The following PHACTR1 variants were observed in gnomAD, a reference collection of about 807,000 sequenced individuals.
The protein encoded by PHACTR1 is RPEL repeat containing 1.
A neutral mutation model predicts 69.2 loss-of-function variants in PHACTR1; 16 were observed. That is an observed-to-expected ratio of 0.23 (90% CI 0.16 to 0.35). The LOEUF is 0.35. Ranked by LOEUF, PHACTR1 falls within the 10% of genes least tolerant of loss-of-function variation. The pLI, the probability that PHACTR1 is intolerant of heterozygous loss-of-function variation, is 1.00. For synonymous variants in PHACTR1, 312 were observed against 284.5 expected (o/e 1.10, Z -0.97); for missense variants, 510 against 734.7 (o/e 0.69, Z 3.54).
chr6:13,134,133 G>A (rs985890704), intron 5 of PHACTR1, among the ~76,000 whole-genome samples: 2 of 151,804 alleles, frequency 1.3e-5, no homozygotes, highest in African/African-American at 2.4e-5. Flanking sequence ...GAGCGTCTCC[G>A]CCTGGCAGCC....
Position 13,003,965 on chromosome 6 carries a change from G to GTATATATATGTA in PHACTR1, c.251-49391_251-49390insGTATATATATAT, listed in dbSNP as rs1798444774. On this transcript the variant is annotated intron_variant, in intron 4 of 14. Coordinates refer to ENST00000332995, the MANE Select transcript of PHACTR1 (RefSeq NM_030948.6). ...CAGTAGTATTCCTATATATATATAT[G>GTATATATATGTA]TATATATATATATACACATATATAT... 4.2e-5 allele frequency among the ~76,000 whole-genome samples: 4 copies of GTATATATATGTA among 96,312 alleles called. No individual in the cohort carries two copies. The South Asian group carries it at 1.3e-3, about 30-fold the overall frequency. The allele number at this position is 96,312 out of a possible 152,430, so 63.2% of individuals were successfully genotyped here. A position where few individuals can be genotyped will look rare whatever the true frequency, so the allele number is the denominator to read the frequency against.
chr6:12,772,091 G>A (rs745642133), intron 4 of PHACTR1, among the ~76,000 whole-genome samples: 7 of 152,144 alleles, frequency 4.6e-5, no homozygotes, highest in Non-Finnish European at 8.8e-5. Flanking sequence ...CCAGGACATT[G>A]GCTGTGAGTG....
chr6:13,115,783 G>A (rs1275845232), intron 5 of PHACTR1, among the ~76,000 whole-genome samples: 1 of 152,174 alleles, frequency 6.6e-6, no homozygotes. Flanking sequence ...TTTCAGTGAG[G>A]TTGTGTCTGC....
rs368332486 is a variant in PHACTR1, at chr6:13,218,640, C to T, written c.987-9176C>T. On this transcript the variant is annotated intron_variant, in intron 8 of 14. Transcript: ENST00000332995. ...TTTGAGACCAGTCTGGCCAACATAG[C>T]GAGACCCCATCTCTACAAAAAAAAT... Among the ~76,000 whole-genome samples, 19 of 151,948 alleles carry T rather than the reference C, an allele frequency of 1.3e-4. No homozygotes were observed. The South Asian group carries it at 1.5e-3, about 12-fold the overall frequency.
At chr6:13,099,084 C>T (rs145839055) in intron 5 of PHACTR1, among the ~76,000 whole-genome samples, 7 of 152,356 alleles carry the variant, frequency 4.6e-5, no homozygotes, top group African/African-American at 1.7e-4. Flanking sequence ...CACCTCAATG[C>T]TCTGTGTTTC....
chr6:12,963,988 T>C (rs1304227560), intron 4 of PHACTR1, among the ~76,000 whole-genome samples: 1 of 152,242 alleles, frequency 6.6e-6, no homozygotes, highest in African/African-American at 2.4e-5. Context: ...TAGTTAATAT[T>C]GGCTCCCTTT....
chr6:12,994,517 G>C (rs1179440076), intron 4 of PHACTR1, among the ~76,000 whole-genome samples: 1 of 151,920 alleles, frequency 6.6e-6, no homozygotes, highest in Non-Finnish European at 1.5e-5. Context: ...ACTAACTCCA[G>C]GAAAAATGAA....
intron 4 of PHACTR1, among the ~76,000 whole-genome samples, chr6:12,946,612 C>T (rs1289973996): frequency 6.6e-6 from 1 of 151,918 alleles, no homozygotes; most frequent in African/African-American, 2.4e-5. Flanking sequence ...AGAGAGAACT[C>T]AACATTTAAG....
At chr6:13,240,868 C>T (rs1772741343) in intron 10 of PHACTR1, among the ~76,000 whole-genome samples, 1 of 152,140 alleles carries the variant, frequency 6.6e-6, no homozygotes, top group African/African-American at 2.4e-5. Context: ...AAAGTGTTTC[C>T]CCATCAGCAC....
intron 4 of PHACTR1, among the ~76,000 whole-genome samples, chr6:12,773,006 G>A (rs1353396553): frequency 6.6e-6 from 1 of 152,058 alleles, no homozygotes; most frequent in Non-Finnish European, 1.5e-5. Context: ...GATACAATAT[G>A]GATGTGATAA....
At chr6:12,824,442 G>A (rs1420528957) in intron 4 of PHACTR1, among the ~76,000 whole-genome samples, 10 of 152,108 alleles carry the variant, frequency 6.6e-5, no homozygotes, top group African/African-American at 2.2e-4. Context: ...TGTCTTCCAC[G>A]AAACTGGTCC....
At chr6:12,891,089 C>T (rs1405644010) in intron 4 of PHACTR1, among the ~76,000 whole-genome samples, 4 of 152,146 alleles carry the variant, frequency 2.6e-5, no homozygotes, top group African/African-American at 7.2e-5. Flanking sequence ...CTTCCTTTAT[C>T]ATTTTACTTG....
intron 5 of PHACTR1, among the ~76,000 whole-genome samples, chr6:13,112,688 T>C (rs1351452215): frequency 1.3e-5 from 2 of 152,230 alleles, no homozygotes; most frequent in African/African-American, 4.8e-5. Flanking sequence ...TTTTGAAGTG[T>C]CTTTTCATGT....
At chr6:13,271,255 G>A (rs1777646516) in intron 10 of PHACTR1, among the ~76,000 whole-genome samples, 1 of 152,158 alleles carries the variant, frequency 6.6e-6, no homozygotes, top group Non-Finnish European at 1.5e-5. Flanking sequence ...CTGTCAAGAA[G>A]CTAGGACCAA....
chr6:12,738,933 T>G (rs1036888985), intron 3 of PHACTR1, among the ~76,000 whole-genome samples: 2 of 152,158 alleles, frequency 1.3e-5, no homozygotes, highest in Admixed American at 1.3e-4. Context: ...TTATTTATGT[T>G]TTTTAAACCA....
At chr6:13,019,016 GTA>G (rs901604606) in intron 4 of PHACTR1, among the ~76,000 whole-genome samples, 1 of 150,282 alleles carries the variant, frequency 6.7e-6, no homozygotes, top group Non-Finnish European at 1.5e-5. Flanking sequence ...GCTAATTTGT[GTA>G]TATATATACA....
At chr6:13,102,851 A>G (rs1488888042) in intron 5 of PHACTR1, among the ~76,000 whole-genome samples, 1 of 152,212 alleles carries the variant, frequency 6.6e-6, no homozygotes, top group Admixed American at 6.5e-5. Context: ...TGCAAATCAC[A>G]CCTTTAAAAA....
In PHACTR1 at chr6:12,945,393, A is replaced by G. The variant is rs186919648; in HGVS notation, c.251-107972A>G. 2.6e-3 allele frequency among the ~76,000 whole-genome samples: 394 copies of G among 152,364 alleles called. 1 individual carries two copies. Among genetic ancestry groups the G allele is most frequent in the Non-Finnish European group, 4.2e-3 (285 of 68,042 alleles). ...AAACTGTAAGTTTCATGAAAGCAGG[A>G]ATTATGTTCATCTTGCTGTCGAGAA... On this transcript the variant is annotated intron_variant, in intron 4 of 14. Coordinates refer to ENST00000332995, the MANE Select transcript of PHACTR1 (RefSeq NM_030948.6).
At chr6:13,015,969 G>A (rs1800120223) in intron 4 of PHACTR1, among the ~76,000 whole-genome samples, 1 of 152,182 alleles carries the variant, frequency 6.6e-6, no homozygotes, top group African/African-American at 2.4e-5. Context: ...ATTGTGTGGT[G>A]CACTCATTTA....
Sources: allele counts gnomAD v4.1 joint callset (sites outside exome capture counted in the v4.1 genomes callset), GRCh38; gene constraint gnomAD v4.1.1; transcripts MANE v1.5; gene names NCBI Gene and HGNC (gene_info 2026-07-23, HGNC 2026-07-21).